Variants in ZFAND3 observed in about 807,000 individuals in gnomAD.
ZFAND3 encodes the protein zinc finger AN1-type containing 3.
ZFAND3 carries 10 observed loss-of-function variants against 29.6 expected under a neutral mutation model. That is an observed-to-expected ratio of 0.34 (90% CI 0.21 to 0.57). The LOEUF (loss-of-function observed/expected upper bound fraction) is 0.57, where lower values mean the gene tolerates loss of function less well. ZFAND3 is among the 20% of genes least tolerant of loss of function. The pLI is 0.86. For missense variants in ZFAND3, 230 were observed against 304.5 expected, an observed-to-expected ratio of 0.76 and a Z score of 1.82; for synonymous variants, 128 against 112.6, an observed-to-expected ratio of 1.14 and a Z score of -0.87.
intron 2 of ZFAND3, among the ~76,000 whole-genome samples, chr6:37,969,182 G>A (rs749613498): frequency 1.3e-5 from 2 of 152,120 alleles, no homozygotes; most frequent in Non-Finnish European, 2.9e-5. Flanking sequence ...AAAATTTTAT[G>A]GTATCACTGT....
chr6:38,082,265 C>A, intron 3 of ZFAND3, 127 bp from the exon 4 acceptor site: 1 of 789,634 alleles, frequency 1.3e-6, no homozygotes, highest in Non-Finnish European at 2.0e-6. Flanking sequence ...GTCTTTCCTA[C>A]TACTTCTCCT....
intron 1 of ZFAND3, among the ~76,000 whole-genome samples, chr6:37,910,288 A>G (rs1420588724): frequency 2.0e-5 from 3 of 152,328 alleles, no homozygotes; most frequent in African/African-American, 7.2e-5. Context: ...ATTGTCAAAC[A>G]CATACTAGTT....
chr6:37,985,527 A>ACACACACACACCCC (rs753070737), intron 2 of ZFAND3, among the ~76,000 whole-genome samples: 3 of 141,656 alleles, frequency 2.1e-5, no homozygotes, highest in Admixed American at 7.1e-5. Flanking sequence ...ACACACACAC[A>ACACACACACACCCC]CCCCCACACA....
intron 1 of ZFAND3, among the ~76,000 whole-genome samples, chr6:37,848,857 C>CA (rs1764230488): frequency 6.6e-6 from 1 of 151,824 alleles, no homozygotes; most frequent in African/African-American, 2.4e-5. Flanking sequence ...ATGCTGAAGA[C>CA]AATTATAGAC....
intron 2 of ZFAND3, among the ~76,000 whole-genome samples, chr6:37,957,839 T>C (rs1013510726): frequency 8.5e-5 from 13 of 152,202 alleles, no homozygotes; most frequent in Admixed American, 3.9e-4. Flanking sequence ...CTGGTAAATA[T>C]TCCTGGTGGG....
In ZFAND3 at chr6:37,819,899, G is replaced by T; in HGVS notation, c.-47G>T. Reference sequence around the variant, plus strand: ...CTCCTCAGAGCGGGGCCCGGGCCCAGCCGCCGCCACCGCTGCCGCCGCCGA... The same window carrying T: ...CTCCTCAGAGCGGGGCCCGGGCCCATCCGCCGCCACCGCTGCCGCCGCCGA... On this transcript the variant is annotated 5_prime_UTR_variant, in exon 1 of 6. Transcript: ENST00000287218. 8.7e-7 allele frequency: 1 copy of T among 1,150,184 alleles called. No individual in the cohort carries two copies. The highest frequency in any genetic ancestry group is 1.1e-6 in the Non-Finnish European group (1 of 929,386). The allele number at this position is 1,150,184 out of a possible 1,614,324, so 71.2% of individuals were successfully genotyped here. A position where few individuals can be genotyped will look rare whatever the true frequency, so the allele number is the denominator to read the frequency against.
Position 37,826,895 on chromosome 6 carries a change from A to C in ZFAND3, c.71+6879A>C, listed in dbSNP as rs574362305. Among the ~76,000 whole-genome samples the C allele has an allele frequency of 5.6e-4, 86 of 152,328 alleles. 1 individual carries two copies. The highest frequency in any genetic ancestry group is 1.6e-3 in the Admixed American group (24 of 15,298). ...ATGTGGTTTCTCAGTCACAGTAGCT[A>C]CTTTTAAGTACTCACTAGCTCAGTA... On this transcript the variant is annotated intron_variant, in intron 1 of 5. Transcript: ENST00000287218.
At chr6:38,128,756 T>C (rs1216140621) in intron 5 of ZFAND3, among the ~76,000 whole-genome samples, 1 of 152,238 alleles carries the variant, frequency 6.6e-6, no homozygotes, top group African/African-American at 2.4e-5. Context: ...GATGGGCATT[T>C]GGGTTGGTTC....
chr6:37,879,359 C>T (rs1467375486), intron 1 of ZFAND3, among the ~76,000 whole-genome samples: 4 of 149,716 alleles, frequency 2.7e-5, no homozygotes, highest in Admixed American at 6.7e-5. Flanking sequence ...TGTGGGGGAG[C>T]GGGTGGTGGT....
intron 3 of ZFAND3, among the ~76,000 whole-genome samples, chr6:38,065,839 A>G (rs963549696): frequency 2.6e-5 from 4 of 152,210 alleles, no homozygotes; most frequent in Non-Finnish European, 4.4e-5. Context: ...TAAATAAACT[A>G]TTTAATAAAC....
chr6:38,034,439 A>G (rs1008996854), intron 2 of ZFAND3, among the ~76,000 whole-genome samples: 7 of 152,184 alleles, frequency 4.6e-5, no homozygotes, highest in African/African-American at 1.7e-4. Context: ...TATTAGGAAA[A>G]AAGTATTTGC....
intron 1 of ZFAND3, among the ~76,000 whole-genome samples, chr6:37,928,881 T>C (rs115442620): frequency 1.8e-3 from 273 of 152,268 alleles, no homozygotes; most frequent in African/African-American, 6.3e-3. Flanking sequence ...AGGTGCTGTG[T>C]TGTGAACAAA....
At chr6:37,862,379 G>A (rs1382648954) in intron 1 of ZFAND3, among the ~76,000 whole-genome samples, 4 of 151,940 alleles carry the variant, frequency 2.6e-5, no homozygotes, top group Non-Finnish European at 4.4e-5. Context: ...AAGTTATAAC[G>A]AGTTGGAATT....
intron 4 of ZFAND3, among the ~76,000 whole-genome samples, chr6:38,087,388 A>G (rs926117481): frequency 6.6e-6 from 1 of 152,216 alleles, no homozygotes; most frequent in Non-Finnish European, 1.5e-5. Flanking sequence ...TACAGCTAAC[A>G]AAGTGAAGAG....
At chr6:37,858,973 T>C (rs1414507098) in intron 1 of ZFAND3, among the ~76,000 whole-genome samples, 1 of 152,238 alleles carries the variant, frequency 6.6e-6, no homozygotes. Flanking sequence ...CTTTCATGCA[T>C]GTATTATTAT....
intron 1 of ZFAND3, among the ~76,000 whole-genome samples, chr6:37,885,155 A>G (rs1471759996): frequency 2.8e-5 from 4 of 143,652 alleles, no homozygotes; most frequent in African/African-American, 1.0e-4. Context: ...TTTGGGTGGG[A>G]GAAATGATTA....
chr6:37,983,343 C>CTTTTTTTTTTT lies in ZFAND3; in HGVS notation c.112+53364_112+53374dup, dbSNP rs70981516. On this transcript the variant is annotated intron_variant, in intron 2 of 5. Coordinates refer to ENST00000287218, the MANE Select transcript of ZFAND3 (RefSeq NM_021943.3). ...CCTATACAGGTGTACCAGTTTTTAT[C>CTTTTTTTTTTT]TTTTTTTTTTTTTTTTTTTTTTTTT... Among the ~76,000 whole-genome samples the CTTTTTTTTTTT allele has an allele frequency of 7.4e-4, 37 of 50,042 alleles. 1 individual carries two copies. The highest frequency in any genetic ancestry group is 2.6e-3 in the African/African-American group (32 of 12,358). The allele number at this position is 50,042 out of a possible 152,430, so 32.8% of individuals were successfully genotyped here. A position where few individuals can be genotyped will look rare whatever the true frequency, so the allele number is the denominator to read the frequency against.
chr6:38,043,210 T>A (rs1190670030), intron 2 of ZFAND3, among the ~76,000 whole-genome samples: 1 of 152,068 alleles, frequency 6.6e-6, no homozygotes, highest in Non-Finnish European at 1.5e-5. Flanking sequence ...TGTCTTGTTT[T>A]TTCCTTCTTC....
chr6:38,151,733 T>C (rs979877090), intron 5 of ZFAND3, among the ~76,000 whole-genome samples: 1 of 152,096 alleles, frequency 6.6e-6, no homozygotes, highest in Non-Finnish European at 1.5e-5. Context: ...TCCCACTCAT[T>C]TTTGGGTTGT....
Sources: gnomAD v4.1 joint callset for allele counts (sites outside exome capture counted in the v4.1 genomes callset) on GRCh38, gnomAD v4.1.1 for gene constraint, MANE v1.5 for transcripts, NCBI Gene and HGNC (gene_info 2026-07-23, HGNC 2026-07-21) for gene names.